VCL: variants seen among roughly 807,000 people sequenced by gnomAD.
VCL encodes vinculin.
Under a neutral mutation model 125.7 loss-of-function variants are expected in VCL, and 47 were observed. The ratio of observed to expected loss-of-function variants is 0.37; its 90% CI spans 0.30 to 0.48. The LOEUF is 0.48. Ranked by LOEUF, VCL falls within the 20% of genes least tolerant of loss-of-function variation. VCL has a pLI of 0.99. For synonymous variants in VCL, 458 were observed against 514.6 expected, an observed-to-expected ratio of 0.89 and a Z score of 1.49; for missense variants, 1,069 against 1,455.5, an observed-to-expected ratio of 0.73 and a Z score of 4.32.
chr10:74,112,149 A>C, intron 19 of VCL, 37 bp downstream of exon 19: 1 of 1,612,702 alleles, frequency 6.2e-7, no homozygotes, highest in African/African-American at 1.3e-5. Context: ...GCTGCTCCAT[A>C]TGCATCCGGC....
At chr10:74,024,704 A>G (rs185092996) in intron 1 of VCL, among the ~76,000 whole-genome samples, 521 of 152,310 alleles carry the variant, frequency 3.4e-3, no homozygotes, top group Non-Finnish European at 6.1e-3. Context: ...AGTGTTGGTC[A>G]GTACTGGTTC....
intron 2 of VCL, among the ~76,000 whole-genome samples, chr10:74,060,118 G>A (rs149540092): frequency 1.8e-4 from 27 of 152,110 alleles, no homozygotes; most frequent in Admixed American, 3.9e-4. Flanking sequence ...GCAACATAGT[G>A]AGACCCTGTC....
At chr10:74,051,705 G>C (rs2136256280) in intron 2 of VCL, among the ~76,000 whole-genome samples, 1 of 152,232 alleles carries the variant, frequency 6.6e-6, no homozygotes, top group Admixed American at 6.5e-5. Flanking sequence ...TTATTGTGAG[G>C]TTTAAATGAG....
chr10:74,110,907 A>G (rs1023961872), intron 18 of VCL, among the ~76,000 whole-genome samples: 4 of 152,102 alleles, frequency 2.6e-5, no homozygotes, highest in Non-Finnish European at 5.9e-5. Context: ...TTCTAAATTC[A>G]TGTTCTCTCC....
chr10:74,089,147 A>G, intron 8 of VCL, 49 bp from the exon 9 acceptor site: 1 of 1,612,524 alleles, frequency 6.2e-7, no homozygotes, highest in Non-Finnish European at 8.5e-7. Context: ...ATATTTTGTC[A>G]TTAAGTATTT....
At chr10:74,004,500 T>G (rs1840283605) in intron 1 of VCL, among the ~76,000 whole-genome samples, 1 of 152,138 alleles carries the variant, frequency 6.6e-6, no homozygotes, top group Non-Finnish European at 1.5e-5. Context: ...AGCAAAGTTG[T>G]TAAATATCAG....
At chr10:74,064,019 A>C (rs1033664735) in intron 2 of VCL, 1 of 152,082 alleles carries the variant, frequency 6.6e-6, no homozygotes, top group African/African-American at 2.4e-5. Flanking sequence ...AACTATCCTC[A>C]CTTCAGATAC....
At chr10:74,067,638 C>T (rs1310638010) in intron 2 of VCL, among the ~76,000 whole-genome samples, 1 of 152,050 alleles carries the variant, frequency 6.6e-6, no homozygotes, top group Non-Finnish European at 1.5e-5. Context: ...GTGGCATATC[C>T]ATACAATGGA....
In VCL at chr10:74,009,720, C is replaced by T. The variant is rs575657899; in HGVS notation, c.168+11345C>T. On this transcript the variant is annotated intron_variant, in intron 1 of 21. Transcript: ENST00000211998. ...CACCTCACGGGTTCAAGCAGTTCTC[C>T]TGTTTCAGCCTCCCAAGTAGCTGGG... 1.8e-4 allele frequency among the ~76,000 whole-genome samples: 28 copies of T among 152,006 alleles called. 1 individual carries two copies. The highest frequency in any genetic ancestry group is 1.6e-3 in the Admixed American group (25 of 15,244).
chr10:74,000,957 C>CAA (rs1205942928), intron 1 of VCL, among the ~76,000 whole-genome samples: 9 of 152,120 alleles, frequency 5.9e-5, no homozygotes, highest in Non-Finnish European at 1.3e-4. Flanking sequence ...TAATCATGAA[C>CAA]AAAGGTACTT....
At chr10:74,089,144 G>A in intron 8 of VCL, 52 bp from the exon 9 acceptor site, 2 of 1,611,776 alleles carry the variant, frequency 1.2e-6, no homozygotes, top group South Asian at 1.1e-5. Flanking sequence ...GGAATATTTT[G>A]TCATTAAGTA....
At chr10:74,094,548 A>G in intron 11 of VCL, 87 bp downstream of exon 11, 3 of 1,478,040 alleles carry the variant, frequency 2.0e-6, no homozygotes, top group Non-Finnish European at 2.8e-6. Flanking sequence ...AACATCTGTA[A>G]TTAGGTAAGG....
chr10:74,001,215 A>G (rs945095658), intron 1 of VCL, among the ~76,000 whole-genome samples: 2 of 152,224 alleles, frequency 1.3e-5, no homozygotes, highest in African/African-American at 4.8e-5. Flanking sequence ...GGACCTACCC[A>G]TTGCTTCACA....
At chr10:74,007,210 C>G (rs1054935862) in intron 1 of VCL, among the ~76,000 whole-genome samples, 2 of 152,150 alleles carry the variant, frequency 1.3e-5, no homozygotes, top group African/African-American at 4.8e-5. Context: ...AACTCCTGGG[C>G]TCAAGTGATC....
chr10:74,073,887 C>T (rs766921972), intron 5 of VCL, among the ~76,000 whole-genome samples: 53 of 152,252 alleles, frequency 3.5e-4, no homozygotes, highest in Non-Finnish European at 5.0e-4. Flanking sequence ...CTTCCAGCTA[C>T]CTGCTTTGGT....
At position 74,105,331 on chromosome 10, in the gene VCL, G is replaced by C; in HGVS notation, c.2412G>C (p.Val804=). 6.2e-7 allele frequency: 1 copy of C among 1,612,466 alleles called. No individual in the cohort carries two copies. Among genetic ancestry groups the C allele is most frequent in the Non-Finnish European group, 8.5e-7 (1 of 1,180,002 alleles). ...ISPMVMDAKA[V]AGNISDPGLQ... is the part of the protein sequence containing the mutation. ...CGATGGTGATGGATGCAAAAGCTGT[G>C]GCTGGAAACATTTCCGACCCTGGTA... The change falls in exon 16 of 22, where the codon GTG becomes GTC. Residue 804 remains valine (V), a synonymous_variant. Transcript: ENST00000211998.
intron 2 of VCL, among the ~76,000 whole-genome samples, chr10:74,049,784 A>C (rs1302113146): frequency 1.3e-5 from 2 of 152,246 alleles, no homozygotes; most frequent in African/African-American, 4.8e-5. Flanking sequence ...AGCATCTTCC[A>C]GAAGATTCAT....
intron 1 of VCL, among the ~76,000 whole-genome samples, chr10:74,002,554 A>T (rs955232386): frequency 1.3e-5 from 2 of 152,082 alleles, no homozygotes; most frequent in African/African-American, 4.8e-5. Context: ...GGTCTTAAAG[A>T]CAGATAGGAT....
intron 1 of VCL, among the ~76,000 whole-genome samples, chr10:73,999,946 T>C (rs1462943630): frequency 1.3e-5 from 2 of 152,192 alleles, no homozygotes; most frequent in Non-Finnish European, 1.5e-5. Context: ...TTTCAACAAA[T>C]AGGAAACAAT....
Sources: allele counts gnomAD v4.1 joint callset (sites outside exome capture counted in the v4.1 genomes callset), GRCh38; gene constraint gnomAD v4.1.1; transcripts MANE v1.5; gene names NCBI Gene and HGNC (gene_info 2026-07-23, HGNC 2026-07-21).